IPO11: variants seen among roughly 807,000 people sequenced by gnomAD.
IPO11 encodes importin-11.
In IPO11, 66 loss-of-function variants were observed where a neutral mutation model predicts 143.2. That is an observed-to-expected ratio of 0.46 (90% CI 0.38 to 0.57). The LOEUF (loss-of-function observed/expected upper bound fraction) is 0.57. IPO11 is among the 20% of genes least tolerant of loss of function. The pLI is 0.00. For synonymous variants in IPO11, 385 were observed against 377.8 expected, an observed-to-expected ratio of 1.02 and a Z score of -0.22; for missense variants, 1,026 against 1,141.0, an observed-to-expected ratio of 0.90 and a Z score of 1.45.
chr5:62,617,522 TG>T (rs1554059065), intron 29 of IPO11, among the ~76,000 whole-genome samples: 3 of 152,230 alleles, frequency 2.0e-5, no homozygotes, highest in Non-Finnish European at 2.9e-5. Flanking sequence ...GTAACATTAA[TG>T]TGCCATAGCA....
intron 9 of IPO11, among the ~76,000 whole-genome samples, chr5:62,479,507 C>T (rs908201943): frequency 1.8e-4 from 27 of 152,256 alleles, no homozygotes; most frequent in African/African-American, 5.5e-4. Context: ...CTTGAGGAAT[C>T]GCCACACTGT....
chr5:62,557,982 G>A lies in IPO11; in HGVS notation c.2461-3154G>A, dbSNP rs189347544. ...TTTCATTTGTTGAGCTAGAATTATA[G>A]TAAGTCACCTAGAACTTTATACCAA... On this transcript the variant is annotated intron_variant, in intron 26 of 29. Transcript: ENST00000325324. Among the ~76,000 whole-genome samples the A allele has an allele frequency of 2.8e-4, 42 of 152,164 alleles. No individual in the cohort carries two copies. The East Asian group carries it at 7.3e-3, about 27-fold the overall frequency.
chr5:62,541,689 AAAG>A (rs1000766466), intron 24 of IPO11, among the ~76,000 whole-genome samples: 3 of 152,304 alleles, frequency 2.0e-5, no homozygotes, highest in East Asian at 1.9e-4. Flanking sequence ...TCAAAAAAAA[AAAG>A]AAGAAAATTA....
chr5:62,460,469 G>A (rs137865524), intron 5 of IPO11, among the ~76,000 whole-genome samples: 8 of 152,270 alleles, frequency 5.3e-5, no homozygotes, highest in African/African-American at 1.7e-4. Flanking sequence ...CTCAGTATTC[G>A]TGATGAATTA....
intron 24 of IPO11, among the ~76,000 whole-genome samples, chr5:62,540,266 G>A (rs536713786): frequency 6.6e-6 from 1 of 151,996 alleles, no homozygotes; most frequent in South Asian, 2.1e-4. Context: ...AGTATACTTT[G>A]GTCTTCATTT....
At chr5:62,497,776 T>G (rs912258972) in intron 16 of IPO11, among the ~76,000 whole-genome samples, 1 of 152,228 alleles carries the variant, frequency 6.6e-6, no homozygotes, top group African/African-American at 2.4e-5. Flanking sequence ...AAAGAAATCC[T>G]TTTTCTTCAC....
intron 29 of IPO11, among the ~76,000 whole-genome samples, chr5:62,619,403 A>C (rs1746263364): frequency 6.6e-6 from 1 of 152,258 alleles, no homozygotes; most frequent in Admixed American, 6.5e-5. Context: ...AATAAAAAGA[A>C]TAGATGGCTT....
In IPO11 at chr5:62,481,076, C is replaced by T. The variant is rs185696508; in HGVS notation, c.829-2025C>T. On this transcript the variant is annotated intron_variant, in intron 9 of 29. Transcript: ENST00000325324. Reference sequence around the variant, plus strand: ...GACTACAGGCACCCGCCACCATGCCCGGCTAATTTTTTTTTGTATTTTTAG... The same window carrying T: ...GACTACAGGCACCCGCCACCATGCCTGGCTAATTTTTTTTTGTATTTTTAG... 7.9e-5 allele frequency among the ~76,000 whole-genome samples: 12 copies of T among 151,790 alleles called. No homozygotes were observed. The East Asian group carries it at 1.7e-3, about 22-fold the overall frequency.
chr5:62,502,959 A>G (rs557615459), intron 16 of IPO11, among the ~76,000 whole-genome samples: 2 of 152,140 alleles, frequency 1.3e-5, no homozygotes, highest in African/African-American at 4.8e-5. Flanking sequence ...AGTAGCTGAG[A>G]TTATAGGTGC....
At position 62,577,180 on chromosome 5, in the gene IPO11, A is replaced by AT. The variant is rs550126181; in HGVS notation, c.2583-14388dup. On this transcript the variant is annotated intron_variant, in intron 27 of 29. Transcript: ENST00000325324. Reference sequence around the variant, plus strand: ...AAACTTTGTTTTGCTGGAGATAGGAATTTTTTTTTAAACCATTCAACCTGA... The same window carrying AT: ...AAACTTTGTTTTGCTGGAGATAGGAATTTTTTTTTTAAACCATTCAACCTGA... 1.7e-3 allele frequency among the ~76,000 whole-genome samples: 251 copies of AT among 151,870 alleles called. 1 individual carries two copies. Among genetic ancestry groups the AT allele is most frequent in the Non-Finnish European group, 2.5e-3 (169 of 67,870 alleles).
chr5:62,485,392 G>C (rs771146308), intron 11 of IPO11, 27 bp from the exon 12 acceptor site: 2 of 1,569,054 alleles, frequency 1.3e-6, no homozygotes, highest in Non-Finnish European at 1.8e-6. Context: ...TGTTGAAAAT[G>C]TCATTATTAC....
At chr5:62,422,042 C>G (rs1330772690) in intron 1 of IPO11, among the ~76,000 whole-genome samples, 2 of 152,156 alleles carry the variant, frequency 1.3e-5, no homozygotes, top group African/African-American at 4.8e-5. Flanking sequence ...TTAATCTAGG[C>G]TGTGTTGTTA....
intron 29 of IPO11, among the ~76,000 whole-genome samples, chr5:62,607,856 C>G (rs1453638037): frequency 6.7e-6 from 1 of 150,000 alleles, no homozygotes; most frequent in Admixed American, 6.7e-5. Context: ...TGCAGTGGTG[C>G]TATCTCAGCT....
chr5:62,592,830 A>G (rs997729218), intron 28 of IPO11, among the ~76,000 whole-genome samples: 1 of 152,130 alleles, frequency 6.6e-6, no homozygotes, highest in African/African-American at 2.4e-5. Context: ...GCATGAGGGT[A>G]ATCGCCCCCA....
At chr5:62,597,738 T>C (rs984421605) in intron 28 of IPO11, among the ~76,000 whole-genome samples, 1 of 152,214 alleles carries the variant, frequency 6.6e-6, no homozygotes, top group African/African-American at 2.4e-5. Flanking sequence ...TCATAATATT[T>C]CTTCTCACTG....
chr5:62,621,894 T>C (rs1485475085), intron 29 of IPO11, among the ~76,000 whole-genome samples: 1 of 151,862 alleles, frequency 6.6e-6, no homozygotes, highest in Non-Finnish European at 1.5e-5. Context: ...AAAAAAGTCA[T>C]CAACATTTCC....
intron 26 of IPO11, 188 bp from the exon 27 acceptor site, chr5:62,560,948 C>A (rs1444375061): frequency 4.7e-6 from 2 of 423,750 alleles, no homozygotes; most frequent in Non-Finnish European, 4.2e-6. Context: ...TAATTAGAGT[C>A]AGTTTCTGGT....
intron 6 of IPO11, among the ~76,000 whole-genome samples, chr5:62,469,030 T>C (rs1745667602): frequency 6.6e-6 from 1 of 152,164 alleles, no homozygotes; most frequent in Non-Finnish European, 1.5e-5. Flanking sequence ...ATATTTAAAG[T>C]GACACCTGTG....
intron 1 of IPO11, among the ~76,000 whole-genome samples, chr5:62,423,881 C>T (rs553098215): frequency 7.2e-5 from 11 of 152,286 alleles, no homozygotes; most frequent in African/African-American, 2.6e-4. Flanking sequence ...TAATTTCTTT[C>T]TTGTCTTTGG....
Sources: gnomAD v4.1 joint callset for allele counts (sites outside exome capture counted in the v4.1 genomes callset) on GRCh38, gnomAD v4.1.1 for gene constraint, MANE v1.5 for transcripts, NCBI Gene and HGNC (gene_info 2026-07-23, HGNC 2026-07-21) for gene names.